Variants in SBF2 observed in about 807,000 individuals in gnomAD.
The protein encoded by SBF2 is myotubularin-related protein 13.
In SBF2, 112 loss-of-function variants were observed where a neutral mutation model predicts 225.2. The ratio of observed to expected loss-of-function variants is 0.50; its 90% CI spans 0.43 to 0.58. SBF2 has a LOEUF of 0.58. Ranked by LOEUF, SBF2 falls within the 20% of genes least tolerant of loss-of-function variation. SBF2 has a pLI of 0.00. For synonymous variants in SBF2, 763 were observed against 773.3 expected (o/e 0.99, Z 0.22); for missense variants, 1,996 against 2,206.2 (o/e 0.90, Z 1.91).
chr11:9,782,551 A>C (rs1284333494), intron 38 of SBF2, among the ~76,000 whole-genome samples: 1 of 152,178 alleles, frequency 6.6e-6, no homozygotes, highest in Non-Finnish European at 1.5e-5. Context: ...ATATCAACTA[A>C]AATTTAGAAT....
At chr11:10,164,696 C>CA (rs150264097) in intron 2 of SBF2, among the ~76,000 whole-genome samples, 11,322 of 152,204 alleles carry the variant, frequency 0.074, 604 homozygotes, top group East Asian at 0.28. Flanking sequence ...CAAATGGAAA[C>CA]AACCAAACAG....
At chr11:9,823,822 G>A (rs770194732) in intron 28 of SBF2, among the ~76,000 whole-genome samples, 40 of 152,226 alleles carry the variant, frequency 2.6e-4, no homozygotes, top group Non-Finnish European at 1.9e-4. Flanking sequence ...AATGTTGAAG[G>A]TGTCAGGAAA....
At chr11:9,947,670 C>T (rs1217101215) in intron 16 of SBF2, among the ~76,000 whole-genome samples, 1 of 152,090 alleles carries the variant, frequency 6.6e-6, no homozygotes, top group Non-Finnish European at 1.5e-5. Flanking sequence ...GCAGCTTGCT[C>T]ATACTGTCAC....
intron 17 of SBF2, among the ~76,000 whole-genome samples, chr11:9,882,163 C>T (rs1471468540): frequency 2.0e-5 from 3 of 152,230 alleles, no homozygotes; most frequent in South Asian, 2.1e-4. Context: ...ACTTGAAAGA[C>T]AGCAAAAATG....
In SBF2 at chr11:10,152,162, C is replaced by A. The variant is rs181153497; in HGVS notation, c.141+41740G>T. Among the ~76,000 whole-genome samples the A allele has an allele frequency of 1.2e-4, 19 of 152,218 alleles. No homozygotes were observed. In the East Asian group the frequency reaches 3.3e-3, roughly 26 times the overall value. On this transcript the variant is annotated intron_variant, in intron 2 of 39. Coordinates refer to ENST00000256190, the MANE Select transcript of SBF2 (RefSeq NM_030962.4). ...CTTATAGAATCTATGATTTTGAATCCAATTTATCTTAAAACATAACTTAAA... is the reference window on the plus strand; with the variant it reads ...CTTATAGAATCTATGATTTTGAATCAAATTTATCTTAAAACATAACTTAAA...
intron 16 of SBF2, among the ~76,000 whole-genome samples, chr11:9,904,192 T>C (rs1005764935): frequency 3.9e-5 from 6 of 152,240 alleles, no homozygotes; most frequent in Admixed American, 3.3e-4. Context: ...AATCTAAATA[T>C]TTGTTGCTTA....
In SBF2 at chr11:9,967,095, G is replaced by A. The variant is rs1866960575; in HGVS notation, c.1600+1246C>T. Among the ~76,000 whole-genome samples the A allele has an allele frequency of 2.6e-5, 4 of 152,182 alleles. No homozygotes were observed. The South Asian group carries it at 8.3e-4, about 31-fold the overall frequency. ...AGACATTTAAAAATAAATGAGGCCTGGCACAGAGGCTCACGCCTGTAATCC... is the reference window on the plus strand; with the variant it reads ...AGACATTTAAAAATAAATGAGGCCTAGCACAGAGGCTCACGCCTGTAATCC... On this transcript the variant is annotated intron_variant, in intron 14 of 39. Coordinates refer to ENST00000256190, the MANE Select transcript of SBF2 (RefSeq NM_030962.4).
rs1004123746 is a variant in SBF2, at chr11:10,174,355, G to A, written c.141+19547C>T. On this transcript the variant is annotated intron_variant, in intron 2 of 39. Coordinates refer to ENST00000256190, the MANE Select transcript of SBF2 (RefSeq NM_030962.4). ...CTGAAAACCAAGGCTCGAGAACTAC[G>A]TGAAGAATGCAGAAGCCTCAGGAGC... Among the ~76,000 whole-genome samples, 22 of 152,330 alleles carry A rather than the reference G, an allele frequency of 1.4e-4. 1 individual carries two copies. The highest frequency in any genetic ancestry group is 4.1e-4 in the African/African-American group (17 of 41,574).
rs939189111 is a variant in SBF2, at chr11:10,036,178, G to A, written c.280-5008C>T. ...ACACAAGAACAGAAAACCAAACACC[G>A]CATGTTCTCACTCATAAGTGGGAGT... On this transcript the variant is annotated intron_variant, in intron 3 of 39. Coordinates refer to ENST00000256190, the MANE Select transcript of SBF2 (RefSeq NM_030962.4). Among the ~76,000 whole-genome samples the A allele has an allele frequency of 9.9e-5, 15 of 152,172 alleles. No individual in the cohort carries two copies. In the East Asian group the frequency reaches 1.4e-3, roughly 14 times the overall value.
chr11:9,793,736 C>CT (rs1184206212), intron 33 of SBF2, among the ~76,000 whole-genome samples: 1 of 152,124 alleles, frequency 6.6e-6, no homozygotes, highest in Non-Finnish European at 1.5e-5. Context: ...GCCTTACCAT[C>CT]ACAGATTCTG....
At chr11:9,791,421 C>CA (rs11343948) in intron 33 of SBF2, among the ~76,000 whole-genome samples, 3,399 of 125,374 alleles carry the variant, frequency 0.027, 54 homozygotes, top group East Asian at 0.054. Context: ...ACCAGTTTAT[C>CA]AAAAAAAAAA....
chr11:10,240,478 C>T (rs959937717), intron 1 of SBF2, among the ~76,000 whole-genome samples: 1 of 152,146 alleles, frequency 6.6e-6, no homozygotes, highest in South Asian at 2.1e-4. Flanking sequence ...ACTAAGAAAT[C>T]AGTTTTCATG....
intron 1 of SBF2, among the ~76,000 whole-genome samples, chr11:10,244,721 A>G (rs1959595183): frequency 6.6e-6 from 1 of 152,244 alleles, no homozygotes; most frequent in Non-Finnish European, 1.5e-5. Context: ...GAAACAATAA[A>G]CAAAACACAA....
At chr11:10,037,896 T>C (rs1949507737) in intron 3 of SBF2, among the ~76,000 whole-genome samples, 1 of 152,060 alleles carries the variant, frequency 6.6e-6, no homozygotes, top group Non-Finnish European at 1.5e-5. Context: ...TCCTTTTTAT[T>C]ACTCCATTTT....
At chr11:10,006,806 G>A (rs1196249867) in intron 6 of SBF2, among the ~76,000 whole-genome samples, 1 of 152,152 alleles carries the variant, frequency 6.6e-6, no homozygotes, top group Non-Finnish European at 1.5e-5. Context: ...TATTTGAAGG[G>A]AGGGAAGTTC....
intron 17 of SBF2, among the ~76,000 whole-genome samples, chr11:9,861,663 C>CA (rs1193095357): frequency 0.018 from 1,517 of 82,994 alleles, 20 homozygotes; most frequent in Middle Eastern, 0.054. Flanking sequence ...GACTCCATCT[C>CA]AAAAAAAAAA....
chr11:9,975,941 T>G (rs1457671919), intron 13 of SBF2, among the ~76,000 whole-genome samples: 1 of 152,182 alleles, frequency 6.6e-6, no homozygotes, highest in East Asian at 1.9e-4. Flanking sequence ...TAGATTTTAT[T>G]TGATTTGGAC....
intron 16 of SBF2, among the ~76,000 whole-genome samples, chr11:9,896,872 T>G (rs930000767): frequency 6.6e-6 from 1 of 151,294 alleles, no homozygotes; most frequent in African/African-American, 2.4e-5. Flanking sequence ...ACCCATTGAG[T>G]GAAATGCTGA....
intron 2 of SBF2, among the ~76,000 whole-genome samples, chr11:10,105,376 G>A (rs1249789395): frequency 6.6e-6 from 1 of 152,194 alleles, no homozygotes; most frequent in East Asian, 1.9e-4. Context: ...TTGGTAATAA[G>A]CTACTAAAAC....
Sources: gnomAD v4.1 joint callset for allele counts (sites outside exome capture counted in the v4.1 genomes callset) on GRCh38, gnomAD v4.1.1 for gene constraint, MANE v1.5 for transcripts, NCBI Gene and HGNC (gene_info 2026-07-23, HGNC 2026-07-21) for gene names.